The following GRID1 variants were observed in gnomAD, a reference collection of about 807,000 sequenced individuals.
The protein encoded by GRID1 is glutamate receptor ionotropic, delta-1.
Under a neutral mutation model 98.0 loss-of-function variants are expected in GRID1, and 28 were observed. The ratio of observed to expected loss-of-function variants is 0.29; its 90% CI spans 0.21 to 0.39. The LOEUF is 0.39. GRID1 is among the 10% of genes least tolerant of loss of function. GRID1 has a pLI of 1.00. For missense variants in GRID1, 1,111 were observed against 1,340.5 expected (o/e 0.83, Z 2.67); for synonymous variants, 553 against 538.5 (o/e 1.03, Z -0.37).
At chr10:86,292,468 C>T (rs1180467214) in intron 2 of GRID1, among the ~76,000 whole-genome samples, 3 of 152,248 alleles carry the variant, frequency 2.0e-5, no homozygotes, top group Non-Finnish European at 4.4e-5. Context: ...GGAAGAGCAG[C>T]TCCTACAGCA....
At chr10:86,312,581 TG>T (rs1236841130) in intron 2 of GRID1, among the ~76,000 whole-genome samples, 1 of 152,246 alleles carries the variant, frequency 6.6e-6, no homozygotes, top group East Asian at 1.9e-4. Flanking sequence ...GTGGGTGCCA[TG>T]GAAGGAAGGT....
intron 12 of GRID1, among the ~76,000 whole-genome samples, chr10:85,704,943 C>G (rs149348004): frequency 0.013 from 1,955 of 152,202 alleles, 72 homozygotes; most frequent in Admixed American, 0.071. Flanking sequence ...CACAACATAC[C>G]AGAATCTCTG....
chr10:85,631,612 T>C (rs1000223340), intron 13 of GRID1, among the ~76,000 whole-genome samples: 6 of 152,204 alleles, frequency 3.9e-5, no homozygotes, highest in African/African-American at 9.6e-5. Flanking sequence ...AAATCTGCAA[T>C]TGTACACTAT....
chr10:85,670,315 A>C (rs1226373245), intron 12 of GRID1, among the ~76,000 whole-genome samples: 2 of 152,202 alleles, frequency 1.3e-5, no homozygotes, highest in African/African-American at 4.8e-5. Context: ...TGAAATGGGC[A>C]CCAATGCTGA....
At chr10:85,888,085 C>T (rs1250660963) in intron 5 of GRID1, among the ~76,000 whole-genome samples, 3 of 152,188 alleles carry the variant, frequency 2.0e-5, no homozygotes, top group Non-Finnish European at 2.9e-5. Context: ...CTTGCCAGGA[C>T]ATCAAAACAG....
chr10:86,223,877 T>G (rs1369666915), intron 2 of GRID1, among the ~76,000 whole-genome samples: 1 of 151,736 alleles, frequency 6.6e-6, no homozygotes, highest in Non-Finnish European at 1.5e-5. Context: ...CAGCAAGTGA[T>G]GGACCAAGGA....
chr10:86,132,374 T>C (rs1195523726), intron 4 of GRID1, among the ~76,000 whole-genome samples: 1 of 152,178 alleles, frequency 6.6e-6, no homozygotes, highest in African/African-American at 2.4e-5. Flanking sequence ...CTGAACAAAA[T>C]CTAGAAACAT....
intron 8 of GRID1, among the ~76,000 whole-genome samples, chr10:85,790,958 G>C (rs1185543660): frequency 6.6e-6 from 1 of 152,138 alleles, no homozygotes; most frequent in African/African-American, 2.4e-5. Flanking sequence ...CTTCCTGAGG[G>C]CCTGGGGGCA....
At chr10:85,979,894 T>C (rs972955150) in intron 4 of GRID1, among the ~76,000 whole-genome samples, 4 of 152,240 alleles carry the variant, frequency 2.6e-5, no homozygotes, top group African/African-American at 9.6e-5. Context: ...ACAATTTCAG[T>C]AGCCTCCTAG....
chr10:86,290,445 G>A (rs1386527807), intron 2 of GRID1, among the ~76,000 whole-genome samples: 2 of 152,114 alleles, frequency 1.3e-5, no homozygotes, highest in East Asian at 1.9e-4. Flanking sequence ...CCAGGAGTTC[G>A]AGGATAGCCT....
chr10:85,828,049 C>T (rs1590251937), intron 8 of GRID1, among the ~76,000 whole-genome samples: 1 of 152,148 alleles, frequency 6.6e-6, no homozygotes, highest in South Asian at 2.1e-4. Flanking sequence ...AAACAATTCT[C>T]AGCAAATTAA....
At chr10:86,264,715 A>G in intron 2 of GRID1, 1 of 482,984 alleles carries the variant, frequency 2.1e-6, no homozygotes. Context: ...AGGCAGCTGC[A>G]GGCCCAGCCC....
chr10:85,796,511 G>A (rs149882456), intron 8 of GRID1, among the ~76,000 whole-genome samples: 17 of 152,166 alleles, frequency 1.1e-4, no homozygotes, highest in Admixed American at 5.2e-4. Flanking sequence ...AGTGCATTCC[G>A]GACTAAGAAG....
chr10:85,647,450 G>T, intron 12 of GRID1, 53 bp from the exon 13 acceptor site: 2 of 1,394,992 alleles, frequency 1.4e-6, no homozygotes, highest in Non-Finnish European at 2.0e-6. Flanking sequence ...ATTGCACACT[G>T]CAAGGATACA....
At chr10:85,752,877 C>T (rs1165575583) in intron 8 of GRID1, among the ~76,000 whole-genome samples, 1 of 151,996 alleles carries the variant, frequency 6.6e-6, no homozygotes, top group Non-Finnish European at 1.5e-5. Context: ...AGTTAAAAAT[C>T]AATATTATAC....
rs138247023 is a variant in GRID1 at position 86,189,905 on chromosome 10, C to T, written c.520+16459G>A. Among the ~76,000 whole-genome samples, 155 of 152,290 alleles carry T rather than the reference C, an allele frequency of 1.0e-3. 1 individual carries two copies. Among genetic ancestry groups the T allele is most frequent in the African/African-American group, 3.5e-3 (147 of 41,544 alleles). ...TCCTAACATGGCTTTCCAGGCCCTT[C>T]TCTTTTGCCTGAAAACTCACCTAAC... On this transcript the variant is annotated intron_variant, in intron 3 of 15. Coordinates refer to ENST00000327946, the MANE Select transcript of GRID1 (RefSeq NM_017551.3).
chr10:86,253,533 C>A (rs957229029), intron 2 of GRID1, among the ~76,000 whole-genome samples: 2 of 152,302 alleles, frequency 1.3e-5, no homozygotes. Flanking sequence ...TACATTGCCG[C>A]TCCCCAGCCC....
intron 8 of GRID1, among the ~76,000 whole-genome samples, chr10:85,843,232 C>T (rs1017381211): frequency 6.6e-6 from 1 of 151,330 alleles, no homozygotes; most frequent in Admixed American, 6.6e-5. Context: ...CAATTGGATA[C>T]CTATAGGGAA....
chr10:85,858,518 C>T (rs550288598), intron 6 of GRID1, among the ~76,000 whole-genome samples: 2 of 152,316 alleles, frequency 1.3e-5, no homozygotes, highest in African/African-American at 4.8e-5. Context: ...ACTCCCCAGC[C>T]CTCAGGAGCC....
Sources: allele counts gnomAD v4.1 joint callset (sites outside exome capture counted in the v4.1 genomes callset), GRCh38; gene constraint gnomAD v4.1.1; transcripts MANE v1.5; gene names NCBI Gene and HGNC (gene_info 2026-07-23, HGNC 2026-07-21).